The following PTPRK variants were observed in gnomAD, a reference collection of about 807,000 sequenced individuals.
PTPRK encodes the protein protein tyrosine phosphatase receptor type K.
PTPRK carries 75 observed loss-of-function variants against 178.0 expected under a neutral mutation model. The observed-to-expected ratio is 0.42, with a 90% CI of 0.35 to 0.51. The LOEUF (loss-of-function observed/expected upper bound fraction) is 0.51. Ranked by LOEUF, PTPRK falls within the 20% of genes least tolerant of loss-of-function variation. PTPRK has a pLI of 0.02. For missense variants in PTPRK, 1,441 were observed against 1,797.8 expected (o/e 0.80, Z 3.59); for synonymous variants, 637 against 620.6 (o/e 1.03, Z -0.39).
chr6:128,200,036 G>A (rs1468404488), intron 6 of PTPRK, among the ~76,000 whole-genome samples: 2 of 152,160 alleles, frequency 1.3e-5, no homozygotes, highest in Non-Finnish European at 2.9e-5. Flanking sequence ...AAGGCATCAA[G>A]TAAACTTTTT....
At chr6:128,051,048 G>T (rs1199962145) in intron 13 of PTPRK, among the ~76,000 whole-genome samples, 3 of 152,044 alleles carry the variant, frequency 2.0e-5, no homozygotes, top group South Asian at 4.1e-4. Context: ...TGTTTAAATG[G>T]ATAATCTAAT....
intron 1 of PTPRK, chr6:128,500,678 T>C (rs1855426936): frequency 6.6e-6 from 1 of 152,206 alleles, no homozygotes; most frequent in African/African-American, 2.4e-5. Flanking sequence ...GCTACACCTT[T>C]ATTAATTCTG....
At chr6:128,007,488 A>G (rs1330167386) in intron 14 of PTPRK, among the ~76,000 whole-genome samples, 1 of 150,932 alleles carries the variant, frequency 6.6e-6, no homozygotes, top group Non-Finnish European at 1.5e-5. Flanking sequence ...TATATGAACC[A>G]GAAAATCAAG....
chr6:128,118,439 C>T (rs1469748439), intron 7 of PTPRK, among the ~76,000 whole-genome samples: 2 of 152,146 alleles, frequency 1.3e-5, no homozygotes, highest in East Asian at 3.8e-4. Context: ...ATTTTACACA[C>T]CACTTTTTAC....
chr6:128,363,320 G>C (rs1412268710), intron 2 of PTPRK, among the ~76,000 whole-genome samples: 1 of 152,062 alleles, frequency 6.6e-6, no homozygotes, highest in African/African-American at 2.4e-5. Flanking sequence ...TGTCCCAAAT[G>C]GTGCAACCAC....
At chr6:128,345,152 A>T in intron 2 of PTPRK, among the ~76,000 whole-genome samples, 1 of 152,068 alleles carries the variant, frequency 6.6e-6, no homozygotes, top group Non-Finnish European at 1.5e-5. Context: ...TATATATCAT[A>T]CATACATTCA....
At chr6:128,387,339 T>A (rs1185558901) in intron 2 of PTPRK, among the ~76,000 whole-genome samples, 1 of 152,164 alleles carries the variant, frequency 6.6e-6, no homozygotes, top group Non-Finnish European at 1.5e-5. Flanking sequence ...TTGTAGAACA[T>A]TTATAGCAAC....
At chr6:128,497,884 G>A (rs971021279) in intron 1 of PTPRK, among the ~76,000 whole-genome samples, 3 of 151,630 alleles carry the variant, frequency 2.0e-5, no homozygotes, top group African/African-American at 4.8e-5. Flanking sequence ...AATCTGAACT[G>A]TAGAACATTT....
intron 13 of PTPRK, among the ~76,000 whole-genome samples, chr6:128,055,910 G>A (rs542916440): frequency 9.6e-4 from 146 of 151,828 alleles, no homozygotes; most frequent in Non-Finnish European, 2.0e-3. Flanking sequence ...CATGCTTAAA[G>A]TGTCTTTAAA....
chr6:128,147,571 C>G (rs1187005594), intron 7 of PTPRK, among the ~76,000 whole-genome samples: 1 of 151,986 alleles, frequency 6.6e-6, no homozygotes, highest in Non-Finnish European at 1.5e-5. Context: ...TAAAATGCAT[C>G]CAATAAGTAA....
intron 13 of PTPRK, among the ~76,000 whole-genome samples, chr6:128,048,797 A>G (rs1778516181): frequency 1.3e-5 from 2 of 152,196 alleles, no homozygotes; most frequent in Non-Finnish European, 2.9e-5. Context: ...ACTTGAGCAT[A>G]ACTGATTTTG....
At chr6:128,082,852 T>C (rs1262722778) in intron 9 of PTPRK, among the ~76,000 whole-genome samples, 1 of 152,014 alleles carries the variant, frequency 6.6e-6, no homozygotes, top group Non-Finnish European at 1.5e-5. Context: ...ACACCGGAGT[T>C]ATAGCTGACC....
At chr6:128,179,344 T>C (rs1288635257) in intron 7 of PTPRK, among the ~76,000 whole-genome samples, 1 of 151,968 alleles carries the variant, frequency 6.6e-6, no homozygotes, top group Non-Finnish European at 1.5e-5. Context: ...CTACAGAATC[T>C]AAAAACCAAA....
chr6:128,371,751 T>C (rs1410690273), intron 2 of PTPRK, among the ~76,000 whole-genome samples: 1 of 152,036 alleles, frequency 6.6e-6, no homozygotes, highest in South Asian at 2.1e-4. Flanking sequence ...GATGCACACC[T>C]GTAGTTCCAG....
chr6:128,275,641 T>C (rs777730752), intron 3 of PTPRK, among the ~76,000 whole-genome samples: 4 of 152,060 alleles, frequency 2.6e-5, no homozygotes, highest in Non-Finnish European at 5.9e-5. Flanking sequence ...GGAATATACA[T>C]TAGACTACTC....
intron 7 of PTPRK, among the ~76,000 whole-genome samples, chr6:128,093,176 T>G (rs1439112770): frequency 6.6e-6 from 1 of 152,242 alleles, no homozygotes; most frequent in Non-Finnish European, 1.5e-5. Context: ...TTTCAAATCT[T>G]TATTGGGTAT....
rs117485029 is a variant in PTPRK at position 128,028,540 on chromosome 6, T to C, written c.2195-19272A>G. ...ACTTTCATGTCTAACTGCAAACCTC[T>C]GCCCATGCTGTTACCAGTGTGGATA... On this transcript the variant is annotated intron_variant, in intron 13 of 29. Coordinates refer to ENST00000368226, the MANE Select transcript of PTPRK (RefSeq NM_002844.4). Among the ~76,000 whole-genome samples the C allele has an allele frequency of 8.0e-3, 1,224 of 152,354 alleles. 14 individuals carry two copies. Among genetic ancestry groups the C allele is most frequent in the South Asian group, 0.025 (122 of 4,832 alleles).
chr6:128,034,867 T>G (rs1775945245), intron 13 of PTPRK, among the ~76,000 whole-genome samples: 1 of 152,070 alleles, frequency 6.6e-6, no homozygotes, highest in Admixed American at 6.6e-5. Context: ...AAGTGAAAAA[T>G]CTGTTAAAGA....
At chr6:128,495,561 C>T (rs1358068758) in intron 1 of PTPRK, among the ~76,000 whole-genome samples, 1 of 152,072 alleles carries the variant, frequency 6.6e-6, no homozygotes, top group Non-Finnish European at 1.5e-5. Context: ...CTAGCATGCT[C>T]CATCACTCCC....
Sources: gnomAD v4.1 joint callset for allele counts (sites outside exome capture counted in the v4.1 genomes callset) on GRCh38, gnomAD v4.1.1 for gene constraint, MANE v1.5 for transcripts, NCBI Gene and HGNC (gene_info 2026-07-23, HGNC 2026-07-21) for gene names.